The following KANK1 variants were observed in gnomAD, a reference collection of about 807,000 sequenced individuals.
KANK1 encodes the protein KN motif and ankyrin repeat domain-containing protein 1.
In KANK1, 109 loss-of-function variants were observed where a neutral mutation model predicts 106.2. The ratio of observed to expected loss-of-function variants is 1.03; its 90% CI spans 0.88 to 1.20. The LOEUF (loss-of-function observed/expected upper bound fraction) is 1.20, where lower values mean the gene tolerates loss of function less well. Ranked by LOEUF, KANK1 falls within the 50% of genes most tolerant of loss-of-function variation. The pLI is 0.00. For synonymous variants in KANK1, 873 were observed against 652.2 expected (o/e 1.34, Z -5.16); for missense variants, 2,399 against 1,710.7 (o/e 1.40, Z -7.10).
chr9:573,038 G>A (rs1482258178), intron 1 of KANK1, among the ~76,000 whole-genome samples: 1 of 152,072 alleles, frequency 6.6e-6, no homozygotes, highest in Non-Finnish European at 1.5e-5. Flanking sequence ...TATTTGAGCT[G>A]GTGTAAATTG....
chr9:660,913 G>A (rs1255533009), intron 1 of KANK1, among the ~76,000 whole-genome samples: 6 of 152,148 alleles, frequency 3.9e-5, no homozygotes, highest in East Asian at 3.9e-4. Context: ...CCTAGCTAAG[G>A]GATGTCCAAA....
chr9:678,297 A>G (rs1331751764), intron 2 of KANK1, among the ~76,000 whole-genome samples: 1 of 152,198 alleles, frequency 6.6e-6, no homozygotes, highest in African/African-American at 2.4e-5. Context: ...TAAATGCACC[A>G]TGGTGCCTAA....
intron 3 of KANK1, among the ~76,000 whole-genome samples, chr9:720,752 C>G (rs537137228): frequency 3.6e-4 from 55 of 152,344 alleles, no homozygotes; most frequent in African/African-American, 1.3e-3. Context: ...CCAGCCTCAG[C>G]CCCTCAAAGT....
At chr9:543,369 A>C (rs1166400793) in intron 1 of KANK1, among the ~76,000 whole-genome samples, 1 of 152,028 alleles carries the variant, frequency 6.6e-6, no homozygotes, top group Non-Finnish European at 1.5e-5. Flanking sequence ...CAGCCTGGCC[A>C]ACATGGTGAA....
chr9:589,106 A>G (rs547292187), intron 1 of KANK1, among the ~76,000 whole-genome samples: 12 of 152,318 alleles, frequency 7.9e-5, no homozygotes, highest in Admixed American at 7.2e-4. Flanking sequence ...TAGAGTAATA[A>G]CAGGAATAAC....
intron 1 of KANK1, among the ~76,000 whole-genome samples, chr9:509,877 A>T (rs1392131513): frequency 6.6e-6 from 1 of 152,110 alleles, no homozygotes; most frequent in Non-Finnish European, 1.5e-5. Context: ...GCTCGCTGTA[A>T]CCGTGAACTG....
intron 1 of KANK1, among the ~76,000 whole-genome samples, chr9:634,193 G>C (rs908147223): frequency 6.6e-6 from 1 of 152,196 alleles, no homozygotes. Flanking sequence ...TCTCCCCAAA[G>C]GCTCAGAGAG....
chr9:559,453 T>TGA (rs1277574214), intron 1 of KANK1, among the ~76,000 whole-genome samples: 1 of 152,014 alleles, frequency 6.6e-6, no homozygotes, highest in Non-Finnish European at 1.5e-5. Context: ...GGGTGGTGAC[T>TGA]GAATATGTGG....
chr9:729,889 G>A (rs541906363), intron 3 of KANK1, among the ~76,000 whole-genome samples, 162 bp from the exon 4 acceptor site: 1 of 152,140 alleles, frequency 6.6e-6, no homozygotes, highest in Non-Finnish European at 1.5e-5. Context: ...GTCTGCCTAC[G>A]CTAATGAAAT....
In KANK1 at chr9:639,637, A is replaced by G. The variant is rs574351015; in HGVS notation, c.-83-37253A>G. Among the ~76,000 whole-genome samples, 19 of 152,220 alleles carry G rather than the reference A, an allele frequency of 1.2e-4. No homozygotes were observed. In the South Asian group the frequency reaches 3.5e-3, roughly 28 times the overall value. On this transcript the variant is annotated intron_variant, in intron 1 of 11. Transcript: ENST00000382297. ...TGGCCTGATCTTAGATGATTTACCA[A>G]ACAGTGCCACACCCTCTGCCTTCTG...
chr9:741,535 T>C (rs370589575), intron 9 of KANK1, among the ~76,000 whole-genome samples: 15 of 148,980 alleles, frequency 1.0e-4, no homozygotes, highest in South Asian at 2.2e-4. Flanking sequence ...TCACCCAGGC[T>C]GGAGTGCAGT....
intron 1 of KANK1, among the ~76,000 whole-genome samples, chr9:562,649 G>C (rs1339560380): frequency 6.6e-6 from 1 of 152,190 alleles, no homozygotes; most frequent in Non-Finnish European, 1.5e-5. Context: ...GAGAGTTACA[G>C]TGAGGATTTC....
In KANK1 at chr9:631,547, C is replaced by G. The variant is rs536062791; in HGVS notation, c.-83-45343C>G. Among the ~76,000 whole-genome samples, 11 of 128,610 alleles carry G rather than the reference C, an allele frequency of 8.6e-5. No homozygotes were observed. In the South Asian group the frequency reaches 2.6e-3, roughly 30 times the overall value. 84.4% of individuals were successfully genotyped at this position (128,610 alleles called of 152,430 possible). A position where few individuals can be genotyped will look rare whatever the true frequency, so the allele number is the denominator to read the frequency against. On this transcript the variant is annotated intron_variant, in intron 1 of 11. Transcript: ENST00000382297. The stretch of plus-strand genomic sequence containing the variant: ...ACACCCTCTTAGGATCTCCTTCTTC[C>G]ACATTCCTCCTCCTCTAGGCAAGGC...
chr9:664,319 G>C (rs10815442), intron 1 of KANK1, among the ~76,000 whole-genome samples: 1 of 151,902 alleles, frequency 6.6e-6, no homozygotes, highest in South Asian at 2.1e-4. Flanking sequence ...GAGAACATGC[G>C]ACATTGTCTT....
chr9:635,754 A>G (rs1216865566), intron 1 of KANK1, among the ~76,000 whole-genome samples: 1 of 125,282 alleles, frequency 8.0e-6, no homozygotes, highest in East Asian at 2.5e-4. Context: ...GCTGGAGTGC[A>G]GTGGCACGAT....
intron 1 of KANK1, among the ~76,000 whole-genome samples, chr9:598,646 T>C (rs1826895103): frequency 1.6e-5 from 2 of 128,186 alleles, no homozygotes; most frequent in Admixed American, 7.8e-5. Context: ...TTTTTTTTTT[T>C]TTTTGAGACA....
intron 3 of KANK1, among the ~76,000 whole-genome samples, chr9:713,940 A>G (rs1826950277): frequency 1.3e-5 from 2 of 152,178 alleles, no homozygotes. Context: ...TAATTCAGCA[A>G]ATAATTATTG....
intron 1 of KANK1, among the ~76,000 whole-genome samples, chr9:548,676 A>T (rs554032669): frequency 6.6e-6 from 1 of 152,340 alleles, no homozygotes; most frequent in African/African-American, 2.4e-5. Flanking sequence ...AAATGAAAGG[A>T]TATACTAAAA....
intron 1 of KANK1, among the ~76,000 whole-genome samples, chr9:509,506 G>GT (rs2058934643): frequency 6.6e-6 from 1 of 152,162 alleles, no homozygotes; most frequent in African/African-American, 2.4e-5. Context: ...ATTCAATTTT[G>GT]TATTTTGTTT....
Sources: allele counts gnomAD v4.1 joint callset (sites outside exome capture counted in the v4.1 genomes callset), GRCh38; gene constraint gnomAD v4.1.1; transcripts MANE v1.5; gene names NCBI Gene and HGNC (gene_info 2026-07-23, HGNC 2026-07-21).